Variants in NCAM2 observed in about 807,000 individuals in gnomAD.
NCAM2 encodes the protein neural cell adhesion molecule 2.
NCAM2 carries 30 observed loss-of-function variants against 98.1 expected under a neutral mutation model. The ratio of observed to expected loss-of-function variants is 0.31; its 90% CI spans 0.23 to 0.41. The LOEUF (loss-of-function observed/expected upper bound fraction) is 0.41, where lower values mean the gene tolerates loss of function less well. Among genes scored for constraint, NCAM2 ranks in the 10% least tolerant of loss-of-function variants. The pLI, the probability that NCAM2 is intolerant of heterozygous loss-of-function variation, is 1.00. For synonymous variants in NCAM2, 368 were observed against 342.4 expected (o/e 1.07, Z -0.83); for missense variants, 867 against 1,005.8 (o/e 0.86, Z 1.87).
chr21:21,530,182 GATTTA>G (rs1335574572), intron 16 of NCAM2, among the ~76,000 whole-genome samples: 3,444 of 73,790 alleles, frequency 0.047, 308 homozygotes, highest in African/African-American at 0.15. Flanking sequence ...AATTATATAT[GATTTA>G]ATTTAATTTA....
intron 5 of NCAM2, among the ~76,000 whole-genome samples, chr21:21,299,322 A>G (rs1302738633): frequency 6.7e-6 from 1 of 150,334 alleles, no homozygotes; most frequent in Non-Finnish European, 1.5e-5. Flanking sequence ...TGCTTGTGTC[A>G]TATCCTATGG....
At chr21:21,537,012 A>C (rs1990017888) in intron 17 of NCAM2, among the ~76,000 whole-genome samples, 1 of 152,144 alleles carries the variant, frequency 6.6e-6, no homozygotes, top group Admixed American at 6.6e-5. Flanking sequence ...AAAAGTGAGC[A>C]AGTCCTAAAA....
chr21:21,345,894 A>G (rs2075173888), intron 8 of NCAM2, among the ~76,000 whole-genome samples: 1 of 152,048 alleles, frequency 6.6e-6, no homozygotes. Flanking sequence ...GAAACTCCCA[A>G]TGGTCAAGGA....
intron 11 of NCAM2, among the ~76,000 whole-genome samples, chr21:21,428,704 A>G (rs232398): frequency 0.099 from 15,035 of 152,212 alleles, 902 homozygotes; most frequent in African/African-American, 0.17. Flanking sequence ...ATTGTGATGT[A>G]TAAGATAGAT....
intron 5 of NCAM2, among the ~76,000 whole-genome samples, chr21:21,320,273 C>G (rs957259445): frequency 6.6e-6 from 1 of 152,188 alleles, no homozygotes; most frequent in Admixed American, 6.5e-5. Context: ...CACTCAGCTA[C>G]ATTTGTTTAA....
intron 15 of NCAM2, among the ~76,000 whole-genome samples, chr21:21,484,285 AG>A (rs1986151998): frequency 6.6e-6 from 1 of 152,020 alleles, no homozygotes; most frequent in Admixed American, 6.6e-5. Flanking sequence ...TATTTTTTGT[AG>A]GTTTGCATTA....
intron 9 of NCAM2, among the ~76,000 whole-genome samples, chr21:21,381,250 G>A (rs2076147841): frequency 1.3e-5 from 2 of 151,984 alleles, no homozygotes; most frequent in African/African-American, 4.8e-5. Flanking sequence ...CCTCATCTCT[G>A]AGTCACATAT....
intron 1 of NCAM2, among the ~76,000 whole-genome samples, chr21:21,024,890 GAAA>G (rs756802397): frequency 8.0e-6 from 1 of 125,380 alleles, no homozygotes; most frequent in African/African-American, 2.9e-5. Context: ...CCGTCTCAAA[GAAA>G]AAAAAAAAAA....
At chr21:21,371,503 C>T (rs1486218814) in intron 8 of NCAM2, among the ~76,000 whole-genome samples, 1 of 151,750 alleles carries the variant, frequency 6.6e-6, no homozygotes, top group Non-Finnish European at 1.5e-5. Context: ...ACCTGTCCAT[C>T]ATCAGGAGAA....
intron 4 of NCAM2, among the ~76,000 whole-genome samples, chr21:21,290,338 C>G (rs1197739903): frequency 8.6e-5 from 13 of 151,834 alleles, no homozygotes; most frequent in Non-Finnish European, 1.8e-4. Context: ...TGCCTCTCAT[C>G]TAAATTTCTG....
chr21:21,474,341 A>G (rs1291589654), intron 14 of NCAM2, among the ~76,000 whole-genome samples: 1 of 152,052 alleles, frequency 6.6e-6, no homozygotes, highest in Non-Finnish European at 1.5e-5. Context: ...TTAATTTATC[A>G]TATTAAGGGC....
At position 21,491,676 on chromosome 21, in the gene NCAM2, A is replaced by G. The variant is rs141479903; in HGVS notation, c.2077+14205A>G. The stretch of plus-strand genomic sequence containing the variant: ...ATGATGCCAAAATTCAAAAGAGAAA[A>G]TGTTCATTTTCAGGATTTTGGATTG... On this transcript the variant is annotated intron_variant, in intron 15 of 17. Coordinates refer to ENST00000400546, the MANE Select transcript of NCAM2 (RefSeq NM_004540.5). 4.6e-3 allele frequency among the ~76,000 whole-genome samples: 691 copies of G among 151,818 alleles called. 3 individuals carry two copies. The highest frequency in any genetic ancestry group is 0.016 in the African/African-American group (665 of 41,534).
At chr21:21,039,944 C>G (rs1319821124) in intron 1 of NCAM2, among the ~76,000 whole-genome samples, 2 of 152,124 alleles carry the variant, frequency 1.3e-5, no homozygotes, top group African/African-American at 4.8e-5. Flanking sequence ...GACAGCTTCC[C>G]AGAGAGGGGA....
At chr21:21,257,328 G>A (rs564823192) in intron 1 of NCAM2, among the ~76,000 whole-genome samples, 37 of 152,214 alleles carry the variant, frequency 2.4e-4, no homozygotes, top group South Asian at 2.1e-4. Flanking sequence ...AGTAAAGAAC[G>A]AAATAAACTG....
At chr21:21,219,196 T>C (rs1305042031) in intron 1 of NCAM2, among the ~76,000 whole-genome samples, 1 of 152,074 alleles carries the variant, frequency 6.6e-6, no homozygotes, top group East Asian at 1.9e-4. Context: ...CTATTATTAG[T>C]GTTAGTGTAT....
intron 5 of NCAM2, among the ~76,000 whole-genome samples, chr21:21,308,530 C>T (rs536990823): frequency 1.3e-5 from 2 of 152,150 alleles, no homozygotes; most frequent in East Asian, 3.9e-4. Flanking sequence ...CAACCAGTCA[C>T]CCCCAGATTC....
chr21:21,431,205 A>T (rs1034097755), intron 11 of NCAM2, among the ~76,000 whole-genome samples: 1 of 150,506 alleles, frequency 6.6e-6, no homozygotes, highest in Non-Finnish European at 1.5e-5. Context: ...AAAGTTTAAG[A>T]TTATTTCAGA....
intron 12 of NCAM2, among the ~76,000 whole-genome samples, chr21:21,442,789 T>G (rs2146087888): frequency 6.6e-6 from 1 of 152,276 alleles, no homozygotes; most frequent in East Asian, 1.9e-4. Context: ...CTTTTCTAAA[T>G]TTATGGGGAA....
chr21:21,092,382 T>A (rs2146452332), intron 1 of NCAM2, among the ~76,000 whole-genome samples: 1 of 152,172 alleles, frequency 6.6e-6, no homozygotes, highest in South Asian at 2.1e-4. Context: ...TATGCATATT[T>A]ATTTTATCTT....
Sources: gnomAD v4.1 joint callset for allele counts (sites outside exome capture counted in the v4.1 genomes callset) on GRCh38, gnomAD v4.1.1 for gene constraint, MANE v1.5 for transcripts, NCBI Gene and HGNC (gene_info 2026-07-23, HGNC 2026-07-21) for gene names.